Variants in LRRC41 observed in about 807,000 individuals in gnomAD.
The protein encoded by LRRC41 is leucine rich repeat containing 41, also known as leucine-rich repeat-containing protein 41.
LRRC41 carries 17 observed loss-of-function variants against 72.1 expected under a neutral mutation model. That is an observed-to-expected ratio of 0.24 (90% CI 0.16 to 0.35). LRRC41 has a LOEUF of 0.35. Ranked by LOEUF, LRRC41 falls within the 10% of genes least tolerant of loss-of-function variation. The pLI is 1.00. For missense variants in LRRC41, 759 were observed against 1,065.0 expected (o/e 0.71, Z 4.00); for synonymous variants, 427 against 431.0 (o/e 0.99, Z 0.11).
At position 46,281,185 on chromosome 1, in the gene LRRC41, G is replaced by C. The variant is rs143713818; in HGVS notation, c.1696C>G (p.Pro566Ala). The stretch of plus-strand genomic sequence containing the variant: ...GGCCCTGCATTCCCTGGCACACCAG[G>C]GTTGTCCCGCTGGCTTGGGTGGTCA... ...RVDHPSQRDN[P>A]GVPGNAGPPS... The change falls in exon 5 of 10, where the codon CCT becomes GCT. Residue 566 changes from proline to alanine, a missense_variant. Physicochemically the swap from Pro to Ala is conservative, Grantham distance 27. Around this residue, in one of 4 missense-constraint regions of LRRC41, gnomAD observed 427 missense variants for 520.9 expected, o/e 0.82. Transcript: ENST00000617190. The C allele has an allele frequency of 9.9e-6, 16 of 1,614,052 alleles. No homozygotes were observed. The highest frequency in any genetic ancestry group is 6.6e-5 in the South Asian group (6 of 91,086).
intron 4 of LRRC41, among the ~76,000 whole-genome samples, chr1:46,283,017 C>T (rs1433627892): frequency 1.4e-5 from 2 of 147,798 alleles, no homozygotes; most frequent in Non-Finnish European, 3.0e-5. Flanking sequence ...ACAGAGACTC[C>T]CTGTCAAAAA....
chr1:46,281,303 A>G lies in LRRC41; in HGVS notation c.1578T>C (p.His526=), dbSNP rs374089651. The G allele has an allele frequency of 1.5e-5, 24 of 1,614,170 alleles. No individual in the cohort carries two copies. The African/African-American group carries it at 1.9e-4, about 13-fold the overall frequency. ...GCAGTGGTGAGAACAGGTCACTGAG[A>G]TGCAGGGCACGGAGGCGACATCCAG... ...GQAGCRLRAL[H]LSDLFSPLPI... Residue 526 remains histidine, a synonymous_variant, in exon 5 of 10, where the codon CAT becomes CAC. Transcript: ENST00000617190.
In LRRC41 at chr1:46,285,461, C is replaced by T. The variant is rs1219512763; in HGVS notation, c.1396G>A (p.Glu466Lys). 3 of 1,614,130 alleles carry T rather than the reference C, an allele frequency of 1.9e-6. No individual in the cohort carries two copies. Among genetic ancestry groups the T allele is most frequent in the Non-Finnish European group, 1.7e-6 (2 of 1,180,024 alleles). Residue 466 changes from glutamate (E) to lysine (K), a missense_variant, in exon 4 of 10, where the codon GAG becomes AAG. Glu to Lys is a moderately conservative substitution (Grantham distance 56). Coordinates refer to ENST00000617190, the MANE Select transcript of LRRC41 (RefSeq NM_006369.5). This position sits in a 1 kb window ranked among gnomAD's most constrained non-coding sequence, Gnocchi z 5.3. ...GTGGAGAGTGGAACTGTGAATAGCTCCAAGGTGGAGATGCTGCGGAATCTT... is the reference window on the plus strand; with the variant it reads ...GTGGAGAGTGGAACTGTGAATAGCTTCAAGGTGGAGATGCTGCGGAATCTT... Reference protein sequence around the residue: ...SQRFRSISTLELFTVPLSTEA... With the variant: ...SQRFRSISTLKLFTVPLSTEA...
chr1:46,293,396 C>T (rs1661058023), intron 3 of LRRC41, among the ~76,000 whole-genome samples: 1 of 151,868 alleles, frequency 6.6e-6, no homozygotes, highest in South Asian at 2.1e-4. Context: ...CACACCAGCA[C>T]CCCCAGCTAA....
chr1:46,277,879 T>C lies in LRRC41; in HGVS notation c.*986A>G. 1 of 1,613,938 alleles carries C rather than the reference T, an allele frequency of 6.2e-7. No individual in the cohort carries two copies. Among genetic ancestry groups the C allele is most frequent in the Non-Finnish European group, 8.5e-7 (1 of 1,179,874 alleles). On this transcript the variant is annotated 3_prime_UTR_variant, in exon 10 of 10. Coordinates refer to ENST00000617190, the MANE Select transcript of LRRC41 (RefSeq NM_006369.5). ...GCCACAAGAAGGCACTGAGCAGCTGTGTGGTGGATGAGGAGCAGGATGTAG... is the reference window on the plus strand; with the variant it reads ...GCCACAAGAAGGCACTGAGCAGCTGCGTGGTGGATGAGGAGCAGGATGTAG...
At position 46,279,243 on chromosome 1, in the gene LRRC41, G is replaced by A. The variant is rs147905812; in HGVS notation, c.2158C>T (p.Leu720=). 1.2e-6 allele frequency: 2 copies of A among 1,614,146 alleles called. No homozygotes were observed. The highest frequency in any genetic ancestry group is 1.3e-5 in the African/African-American group (1 of 75,046). Residue 720 remains leucine (L), a synonymous_variant, in exon 9 of 10, where the codon CTG becomes TTG. Coordinates refer to ENST00000617190, the MANE Select transcript of LRRC41 (RefSeq NM_006369.5). This position sits in a 1 kb window ranked among gnomAD's most constrained non-coding sequence, Gnocchi z 4.5. ...TCTGAGAAAACATCTGCCAAGGCCA[G>A]CAGGCCAGCATTCCCTGGAGAGAAG... ...PGNRLGNAGL[L]ALADVFSEDS... is the part of the protein sequence containing the mutation.
chr1:46,293,219 G>A (rs1444444184), intron 3 of LRRC41, among the ~76,000 whole-genome samples: 3 of 151,826 alleles, frequency 2.0e-5, no homozygotes, highest in African/African-American at 7.3e-5. Flanking sequence ...TCCATCCTGA[G>A]ATTAGGATGG....
intron 3 of LRRC41, among the ~76,000 whole-genome samples, chr1:46,293,633 G>A (rs1238424198): frequency 7.2e-5 from 11 of 151,904 alleles, no homozygotes; most frequent in Non-Finnish European, 1.5e-4. Context: ...GCAATGGAGC[G>A]ATCTAGTCTT....
intron 3 of LRRC41, among the ~76,000 whole-genome samples, chr1:46,293,233 CTT>C (rs1023909428): frequency 4.6e-5 from 7 of 150,754 alleles, no homozygotes; most frequent in Admixed American, 4.0e-4. Flanking sequence ...AGGATGGTCA[CTT>C]TTATTATTTC....
At chr1:46,280,662 T>C in intron 5 of LRRC41, 102 bp from the exon 6 acceptor site, 1 of 1,220,672 alleles carries the variant, frequency 8.2e-7, no homozygotes, top group Non-Finnish European at 1.2e-6. Flanking sequence ...AAATTATTTA[T>C]TCATTCACTT....
intron 3 of LRRC41, 155 bp downstream of exon 3, chr1:46,297,408 G>T (rs1661146638): frequency 1.8e-6 from 1 of 560,368 alleles, no homozygotes; most frequent in Non-Finnish European, 3.2e-6. Context: ...AATGCCAAAT[G>T]GACCAAAACC....
In LRRC41 at chr1:46,303,512, C is replaced by G. The variant is rs1007136543; in HGVS notation, c.-190G>C. On this transcript the variant is annotated 5_prime_UTR_variant, in exon 1 of 10. Coordinates refer to ENST00000617190, the MANE Select transcript of LRRC41 (RefSeq NM_006369.5). ...TAGATAAACTCCTAGATCAATTATA[C>G]TTGGGTGTGGTATGACTAAGGGGAT... 6 of 742,376 alleles carry G rather than the reference C, an allele frequency of 8.1e-6. No individual in the cohort carries two copies. The East Asian group carries it at 1.1e-4, about 13-fold the overall frequency. The allele number at this position is 742,376 out of a possible 1,614,324, so 46.0% of individuals were successfully genotyped here.
In LRRC41 at chr1:46,302,706, G is replaced by T. The variant is rs1323936926; in HGVS notation, c.199+418C>A. The T allele has an allele frequency of 1.0e-6, 1 of 985,004 alleles. No individual in the cohort carries two copies. Among genetic ancestry groups the T allele is most frequent in the African/African-American group, 1.7e-5 (1 of 57,152 alleles). 61.0% of individuals were successfully genotyped at this position (985,004 alleles called of 1,614,324 possible). ...CCGGGCCTGGCCTGGCCTTGCCTTAGGCCGGGCCTCCTAACCTCGGCCCCT... is the reference window on the plus strand; with the variant it reads ...CCGGGCCTGGCCTGGCCTTGCCTTATGCCGGGCCTCCTAACCTCGGCCCCT... On this transcript the variant is annotated intron_variant, in intron 1 of 9. Coordinates refer to ENST00000617190, the MANE Select transcript of LRRC41 (RefSeq NM_006369.5). This position sits in a 1 kb window ranked among gnomAD's most constrained non-coding sequence, Gnocchi z 4.7.
intron 3 of LRRC41, among the ~76,000 whole-genome samples, chr1:46,296,379 T>A (rs1661126767): frequency 6.6e-6 from 1 of 152,190 alleles, no homozygotes; most frequent in South Asian, 2.1e-4. Context: ...ATTGCGCCAT[T>A]GCACTCCGGC....
intron 3 of LRRC41, among the ~76,000 whole-genome samples, chr1:46,288,794 T>G (rs1199489339): frequency 1.3e-5 from 2 of 152,250 alleles, no homozygotes; most frequent in Non-Finnish European, 2.9e-5. Flanking sequence ...GCCTTGCTCA[T>G]CAGCAGCAGG....
chr1:46,293,802 C>T (rs1661067600), intron 3 of LRRC41, among the ~76,000 whole-genome samples: 1 of 151,744 alleles, frequency 6.6e-6, no homozygotes, highest in South Asian at 2.1e-4. Flanking sequence ...CTCACTATGT[C>T]ACCGAGGCTG....
At position 46,277,563 on chromosome 1, in the gene LRRC41, T is replaced by G; in HGVS notation, c.*1302A>C. The G allele has an allele frequency of 1.9e-6, 1 of 530,542 alleles. No individual in the cohort carries two copies. The highest frequency in any genetic ancestry group is 3.4e-6 in the Non-Finnish European group (1 of 294,820). The allele number at this position is 530,542 out of a possible 1,614,324, so 32.9% of individuals were successfully genotyped here. A position where few individuals can be genotyped will look rare whatever the true frequency, so the allele number is the denominator to read the frequency against. On this transcript the variant is annotated 3_prime_UTR_variant, in exon 10 of 10. Transcript: ENST00000617190. ...CAAACCTCAGTTCACCCTGACGGGATTTAGCCAGGCCCTGGGACCCTTCAT... is the reference window on the plus strand; with the variant it reads ...CAAACCTCAGTTCACCCTGACGGGAGTTAGCCAGGCCCTGGGACCCTTCAT...
intron 7 of LRRC41, 56 bp downstream of exon 7, chr1:46,280,135 AT>A (rs1660740441): frequency 1.5e-6 from 2 of 1,323,538 alleles, no homozygotes; most frequent in Non-Finnish European, 2.2e-6. Context: ...CACTCAGATT[AT>A]GGCAGAACCA....
chr1:46,277,734 C>A lies in LRRC41; in HGVS notation c.*1131G>T. On this transcript the variant is annotated 3_prime_UTR_variant, in exon 10 of 10. Coordinates refer to ENST00000617190, the MANE Select transcript of LRRC41 (RefSeq NM_006369.5). ...TCCTCTTCTCGGGTAGCTGTAGTTT[C>A]AACCCTTTGGTTTTCCTGCTCCCTT... The A allele has an allele frequency of 1.4e-6, 2 of 1,475,558 alleles. No homozygotes were observed. Among genetic ancestry groups the A allele is most frequent in the South Asian group, 2.3e-5 (2 of 87,716 alleles). 91.4% of individuals were successfully genotyped at this position (1,475,558 alleles called of 1,614,324 possible). A position where few individuals can be genotyped will look rare whatever the true frequency, so the allele number is the denominator to read the frequency against.
Sources: allele counts gnomAD v4.1 joint callset (sites outside exome capture counted in the v4.1 genomes callset), GRCh38; gene constraint gnomAD v4.1.1; regional missense constraint gnomAD v4.1.1; non-coding constraint Gnocchi (gnomAD v3.1); transcripts MANE v1.5; gene names NCBI Gene and HGNC (gene_info 2026-07-23, HGNC 2026-07-21).